ANKRD10: variants seen among roughly 807,000 people sequenced by gnomAD.
ANKRD10 encodes the protein ankyrin repeat domain 10, also known as ankyrin repeat domain-containing protein 10.
ANKRD10 carries 14 observed loss-of-function variants against 27.0 expected under a neutral mutation model. The ratio of observed to expected loss-of-function variants is 0.52; its 90% CI spans 0.34 to 0.81. ANKRD10 has a LOEUF of 0.81. Among genes scored for constraint, ANKRD10 ranks in the 40% least tolerant of loss-of-function variants. The pLI is 0.01. For synonymous variants in ANKRD10, 250 were observed against 224.5 expected (o/e 1.11, Z -1.01); for missense variants, 493 against 544.0 (o/e 0.91, Z 0.93).
intron 4 of ANKRD10, among the ~76,000 whole-genome samples, chr13:110,887,674 G>C (rs1326811231): frequency 6.6e-6 from 1 of 152,232 alleles, no homozygotes; most frequent in African/African-American, 2.4e-5. Context: ...TTACAAGTCA[G>C]AAACTGCCAA....
chr13:110,881,874 G>A (rs1225735586), intron 5 of ANKRD10, among the ~76,000 whole-genome samples: 1 of 152,148 alleles, frequency 6.6e-6, no homozygotes, highest in African/African-American at 2.4e-5. Context: ...ATAAAACTAA[G>A]CATAACAACA....
intron 3 of ANKRD10, among the ~76,000 whole-genome samples, chr13:110,895,611 C>T (rs533460938): frequency 6.6e-6 from 1 of 152,102 alleles, no homozygotes; most frequent in African/African-American, 2.4e-5. Context: ...AATACCAATT[C>T]GCTGAGGGAA....
intron 1 of ANKRD10, 92 bp downstream of exon 1, chr13:110,914,633 G>T (rs1338329839): frequency 6.9e-7 from 1 of 1,443,736 alleles, no homozygotes; most frequent in Non-Finnish European, 9.2e-7. Flanking sequence ...CGCGATCCCG[G>T]CACGCCCCAC....
chr13:110,908,897 G>A (rs1340396492), intron 2 of ANKRD10, among the ~76,000 whole-genome samples: 1 of 152,170 alleles, frequency 6.6e-6, no homozygotes, highest in Admixed American at 6.5e-5. Flanking sequence ...GTGAGGACTT[G>A]GAAATGTCTA....
In ANKRD10 at chr13:110,883,694, C is replaced by T; in HGVS notation, c.787+4G>A. On this transcript the variant is annotated splice_donor_region_variant and intron_variant, in intron 5 of 5. Transcript: ENST00000267339. ...GCAGCTAACAGGAAACTGTCCACTC[C>T]CACCTGTTACAACAGCAAACTCCCT... 1 of 1,613,924 alleles carries T rather than the reference C, an allele frequency of 6.2e-7. No homozygotes were observed. Among genetic ancestry groups the T allele is most frequent in the Non-Finnish European group, 8.5e-7 (1 of 1,179,878 alleles).
At chr13:110,896,987 T>TA (rs35905211) in intron 3 of ANKRD10, among the ~76,000 whole-genome samples, 3,165 of 151,880 alleles carry the variant, frequency 0.021, 119 homozygotes, top group African/African-American at 0.073. Flanking sequence ...GTATAGGGAT[T>TA]AAAAAAAACC....
intron 4 of ANKRD10, among the ~76,000 whole-genome samples, chr13:110,890,833 T>C (rs773520402): frequency 1.3e-5 from 2 of 152,194 alleles, no homozygotes; most frequent in Non-Finnish European, 2.9e-5. Context: ...TGTGAACTTC[T>C]AATCACTGGT....
intron 3 of ANKRD10, among the ~76,000 whole-genome samples, chr13:110,897,391 C>G (rs534728618): frequency 6.6e-6 from 1 of 150,920 alleles, no homozygotes; most frequent in Admixed American, 6.6e-5. Flanking sequence ...CCTAAAGCAC[C>G]GAGATTAGAG....
intron 4 of ANKRD10, among the ~76,000 whole-genome samples, chr13:110,885,749 C>T (rs9588291): frequency 0.34 from 46,567 of 137,510 alleles, 7,538 homozygotes; most frequent in African/African-American, 0.4. Context: ...CACACGAACA[C>T]GGTTTGTACA....
At chr13:110,901,888 T>C (rs181800405) in intron 3 of ANKRD10, among the ~76,000 whole-genome samples, 1 of 151,844 alleles carries the variant, frequency 6.6e-6, no homozygotes, top group Non-Finnish European at 1.5e-5. Context: ...TAAACATTTT[T>C]AAAAATTAGT....
At position 110,914,991 on chromosome 13, in the gene ANKRD10, T is replaced by C. The variant is rs1292395318; in HGVS notation, c.-57A>G. ...GCCTAGAGGACGCGTCGGGGAGGAC[T>C]CGAGAAGCCGCCGCCGCAGCACAAA... is the stretch of plus-strand genomic sequence containing the variant. On this transcript the variant is annotated 5_prime_UTR_variant, in exon 1 of 6. Transcript: ENST00000267339. The C allele has an allele frequency of 1.3e-6, 2 of 1,493,762 alleles. No individual in the cohort carries two copies. Among genetic ancestry groups the C allele is most frequent in the Non-Finnish European group, 1.8e-6 (2 of 1,126,678 alleles). The allele number at this position is 1,493,762 out of a possible 1,614,324, so 92.5% of individuals were successfully genotyped here. A position where few individuals can be genotyped will look rare whatever the true frequency, so the allele number is the denominator to read the frequency against.
chr13:110,893,863 C>T (rs936554257), intron 3 of ANKRD10, among the ~76,000 whole-genome samples: 2 of 152,206 alleles, frequency 1.3e-5, no homozygotes, highest in African/African-American at 2.4e-5. Context: ...CTTGGGAAAA[C>T]CTGCAGGAGT....
At chr13:110,896,762 T>C (rs1052945094) in intron 3 of ANKRD10, among the ~76,000 whole-genome samples, 7 of 152,240 alleles carry the variant, frequency 4.6e-5, no homozygotes, top group Admixed American at 1.3e-4. Context: ...TTATGAACAC[T>C]GAAACTGAAA....
intron 1 of ANKRD10, among the ~76,000 whole-genome samples, chr13:110,914,324 G>A (rs746400504): frequency 6.6e-6 from 1 of 152,172 alleles, no homozygotes; most frequent in East Asian, 1.9e-4. Context: ...CTAATACCCG[G>A]CTCTGCGAAA....
At chr13:110,884,085 T>C (rs1471124737) in intron 4 of ANKRD10, among the ~76,000 whole-genome samples, 2 of 152,286 alleles carry the variant, frequency 1.3e-5, no homozygotes, top group South Asian at 2.1e-4. Context: ...GAAGTGGTTA[T>C]ATAACCTGGA....
chr13:110,882,061 T>G (rs2064829986), intron 5 of ANKRD10, among the ~76,000 whole-genome samples: 1 of 152,124 alleles, frequency 6.6e-6, no homozygotes, highest in Non-Finnish European at 1.5e-5. Context: ...GACAAGATCC[T>G]ACTTCTCTTC....
At chr13:110,894,298 T>G in intron 3 of ANKRD10, 1 of 667,814 alleles carries the variant, frequency 1.5e-6, no homozygotes, top group East Asian at 3.0e-5. Flanking sequence ...TTCAGCAAGC[T>G]ACACTACATC....
intron 3 of ANKRD10, among the ~76,000 whole-genome samples, chr13:110,902,434 C>T (rs574023038): frequency 6.6e-6 from 1 of 152,178 alleles, no homozygotes; most frequent in African/African-American, 2.4e-5. Context: ...ATTAAAATTT[C>T]TTTTAATTAA....
At position 110,880,092 on chromosome 13, in the gene ANKRD10, C is replaced by G. The variant is rs755781873; in HGVS notation, c.808G>C (p.Val270Leu). The change falls in exon 6 of 6, where the codon GTA becomes CTA. Residue 270 changes from valine to leucine, a missense_variant. By Grantham distance (32) the Val-to-Leu change is conservative (BLOSUM62 1). Coordinates refer to ENST00000267339, the MANE Select transcript of ANKRD10 (RefSeq NM_017664.4). ...VVTDMKNSSS[V>L]SNTLTNGCVI... ...CATCCATTTGTCAATGTATTCGATA[C>G]GGAGCTACTGTTTTTCATATCTGCA... 2 of 1,613,618 alleles carry G rather than the reference C, an allele frequency of 1.2e-6. No individual in the cohort carries two copies. The highest frequency in any genetic ancestry group is 1.7e-6 in the Non-Finnish European group (2 of 1,179,772).
Sources: gnomAD v4.1 joint callset for allele counts (sites outside exome capture counted in the v4.1 genomes callset) on GRCh38, gnomAD v4.1.1 for gene constraint, MANE v1.5 for transcripts, NCBI Gene and HGNC (gene_info 2026-07-23, HGNC 2026-07-21) for gene names.